SLC7A14: variants seen among roughly 807,000 people sequenced by gnomAD.
SLC7A14 encodes the protein solute carrier family 7 member 14, also known as gamma-aminobutyric acid transporter SLC7A14.
Under a neutral mutation model 60.2 loss-of-function variants are expected in SLC7A14, and 37 were observed. The ratio of observed to expected loss-of-function variants is 0.61; its 90% CI spans 0.47 to 0.81. The LOEUF is 0.81. Ranked by LOEUF, SLC7A14 falls within the 30% of genes least tolerant of loss-of-function variation. SLC7A14 has a pLI of 0.00. For synonymous variants in SLC7A14, 399 were observed against 395.8 expected, an observed-to-expected ratio of 1.01 and a Z score of -0.10; for missense variants, 886 against 982.7, an observed-to-expected ratio of 0.90 and a Z score of 1.32.
chr3:170,554,872 A>C (rs1714443993), intron 1 of SLC7A14, among the ~76,000 whole-genome samples: 1 of 152,224 alleles, frequency 6.6e-6, no homozygotes, highest in South Asian at 2.1e-4. Flanking sequence ...CACTTTTAAA[A>C]AAATATTGCT....
intron 1 of SLC7A14, among the ~76,000 whole-genome samples, chr3:170,561,836 T>C (rs1351686148): frequency 1.3e-5 from 2 of 152,136 alleles, no homozygotes; most frequent in Non-Finnish European, 2.9e-5. Context: ...ACTAAGGGCA[T>C]GAGTAGAAAA....
intron 2 of SLC7A14, among the ~76,000 whole-genome samples, chr3:170,509,433 A>G (rs1712895048): frequency 6.6e-6 from 1 of 152,188 alleles, no homozygotes; most frequent in South Asian, 2.1e-4. Context: ...CAACATATAA[A>G]CAGGTAGGAA....
chr3:170,540,697 T>G (rs1336106746), intron 1 of SLC7A14, among the ~76,000 whole-genome samples: 2 of 152,136 alleles, frequency 1.3e-5, no homozygotes, highest in Non-Finnish European at 2.9e-5. Context: ...CGTTAGGAAA[T>G]CTGAAAGCTA....
At position 170,585,708 on chromosome 3, in the gene SLC7A14, G is replaced by A. The variant is rs1317767149; in HGVS notation, c.-153+203C>T. Among the ~76,000 whole-genome samples, 1 of 152,066 alleles carries A rather than the reference G, an allele frequency of 6.6e-6. No individual in the cohort carries two copies. The highest frequency in any genetic ancestry group is 1.5e-5 in the Non-Finnish European group (1 of 67,996). ...TCCGGGCCAGAGCAGGAAAGAGCCC[G>A]ACCCACCTCCTCGGTTCTTCCAGGG... On this transcript the variant is annotated intron_variant, in intron 1 of 7. Coordinates refer to ENST00000231706, the MANE Select transcript of SLC7A14 (RefSeq NM_020949.3). This position sits in a 1 kb window ranked among gnomAD's most constrained non-coding sequence, Gnocchi z 5.1.
At chr3:170,531,802 G>C (rs1713687143) in intron 1 of SLC7A14, among the ~76,000 whole-genome samples, 1 of 152,164 alleles carries the variant, frequency 6.6e-6, no homozygotes, top group Non-Finnish European at 1.5e-5. Flanking sequence ...ATACTTCACA[G>C]CTATAACTAA....
At chr3:170,482,825 C>A (rs751259006) in intron 6 of SLC7A14, among the ~76,000 whole-genome samples, 2 of 151,916 alleles carry the variant, frequency 1.3e-5, no homozygotes, top group African/African-American at 2.4e-5. Context: ...CCAGGACACA[C>A]AAATGTTCAA....
chr3:170,495,881 G>C (rs1486696650), intron 4 of SLC7A14: 1 of 1,341,000 alleles, frequency 7.5e-7, no homozygotes, highest in African/African-American at 1.4e-5. Context: ...TTAGGCGGCA[G>C]CTGGAGGCTC....
intron 1 of SLC7A14, among the ~76,000 whole-genome samples, chr3:170,556,438 T>G (rs538874403): frequency 6.6e-6 from 1 of 152,336 alleles, no homozygotes; most frequent in South Asian, 2.1e-4. Context: ...ATTTCAGATC[T>G]TCTGTAAATA....
chr3:170,497,460 T>C (rs1394687922), intron 4 of SLC7A14, among the ~76,000 whole-genome samples: 1 of 152,150 alleles, frequency 6.6e-6, no homozygotes, highest in Non-Finnish European at 1.5e-5. Flanking sequence ...TGATTTTGAG[T>C]GTTCTCCAAG....
In SLC7A14 at chr3:170,541,864, A is replaced by C. The variant is rs140330646; in HGVS notation, c.-152-14776T>G. ...CTGTGGTCAGGATCTATTCCTTTAA[A>C]ATCAGAAAAGAATTATGTAACTAAA... On this transcript the variant is annotated intron_variant, in intron 1 of 7. Transcript: ENST00000231706. 2.6e-5 allele frequency among the ~76,000 whole-genome samples: 4 copies of C among 152,316 alleles called. No homozygotes were observed. The East Asian group carries it at 7.7e-4, about 29-fold the overall frequency.
chr3:170,472,683 C>T (rs935900942), intron 7 of SLC7A14, among the ~76,000 whole-genome samples: 5 of 150,952 alleles, frequency 3.3e-5, no homozygotes, highest in African/African-American at 9.8e-5. Context: ...AGGAGAATGG[C>T]GTGAACCTGG....
rs372566622 is a variant in SLC7A14 at position 170,486,202 on chromosome 3, C to T, written c.906+20G>A. ...CAGGGCCACATCGTGAGGAGGGTCC[C>T]GCAAGCATCTGGTACTTACAGACAC... On this transcript the variant is annotated intron_variant, in intron 5 of 7. Transcript: ENST00000231706. 3.6e-5 allele frequency: 58 copies of T among 1,613,226 alleles called. No individual in the cohort carries two copies. The highest frequency in any genetic ancestry group is 3.5e-4 in the African/African-American group (26 of 75,016).
chr3:170,501,844 A>T (rs754521702), intron 2 of SLC7A14, among the ~76,000 whole-genome samples: 29 of 152,360 alleles, frequency 1.9e-4, no homozygotes, highest in Non-Finnish European at 3.5e-4. Context: ...AATATAAATA[A>T]ATTACTAATT....
At chr3:170,501,581 A>T (rs889654466) in intron 2 of SLC7A14, among the ~76,000 whole-genome samples, 1 of 152,240 alleles carries the variant, frequency 6.6e-6, no homozygotes, top group African/African-American at 2.4e-5. Context: ...AAACTGTTGG[A>T]AACTGATCTT....
rs1739636409 is a variant in SLC7A14, at chr3:170,462,882, TATTA to T, written c.*4169_*4172del. Reference sequence around the variant, plus strand: ...TGTTAAATTGTGTTGCTTGTCCACGTATTAAATGGCTGTATTTTCTTAGGTTAAT... The same window carrying T: ...TGTTAAATTGTGTTGCTTGTCCACGTAATGGCTGTATTTTCTTAGGTTAAT... On this transcript the variant is annotated 3_prime_UTR_variant, in exon 8 of 8. Coordinates refer to ENST00000231706, the MANE Select transcript of SLC7A14 (RefSeq NM_020949.3). 1 of 152,254 alleles carries T rather than the reference TATTA, an allele frequency of 6.6e-6. No homozygotes were observed. The highest frequency in any genetic ancestry group is 1.5e-5 in the Non-Finnish European group (1 of 68,040). 9.4% of individuals were successfully genotyped at this position (152,254 alleles called of 1,614,324 possible).
chr3:170,506,649 A>G (rs1015567693), intron 2 of SLC7A14, among the ~76,000 whole-genome samples: 4 of 152,218 alleles, frequency 2.6e-5, no homozygotes, highest in Admixed American at 6.5e-5. Flanking sequence ...CCTACATGCA[A>G]TGTTGACCTT....
In SLC7A14 at chr3:170,460,177, C is replaced by G. The variant is rs991352360; in HGVS notation, c.*6878G>C. The G allele has an allele frequency of 6.6e-6, 1 of 152,148 alleles. No individual in the cohort carries two copies. Among genetic ancestry groups the G allele is most frequent in the Non-Finnish European group, 1.5e-5 (1 of 68,040 alleles). The allele number at this position is 152,148 out of a possible 1,614,324, so 9.4% of individuals were successfully genotyped here. On this transcript the variant is annotated 3_prime_UTR_variant, in exon 8 of 8. Coordinates refer to ENST00000231706, the MANE Select transcript of SLC7A14 (RefSeq NM_020949.3). ...TAGCAGAGAACAACACTAGGAATTA[C>G]CATCTGTAAATGCAAGTTGTACTTC...
chr3:170,507,703 G>A (rs953707059), intron 2 of SLC7A14, among the ~76,000 whole-genome samples: 8 of 152,210 alleles, frequency 5.3e-5, no homozygotes, highest in African/African-American at 1.9e-4. Flanking sequence ...GAAAAGGACT[G>A]TACAGTTCAT....
chr3:170,541,342 A>G (rs935105330), intron 1 of SLC7A14, among the ~76,000 whole-genome samples: 7 of 152,230 alleles, frequency 4.6e-5, no homozygotes, highest in African/African-American at 1.7e-4. Flanking sequence ...TCACACCTGT[A>G]ATCCCAGCAC....
Sources: allele counts gnomAD v4.1 joint callset (sites outside exome capture counted in the v4.1 genomes callset), GRCh38; gene constraint gnomAD v4.1.1; non-coding constraint Gnocchi (gnomAD v3.1); transcripts MANE v1.5; gene names NCBI Gene and HGNC (gene_info 2026-07-23, HGNC 2026-07-21).